The following CCDC148 variants were observed in gnomAD, a reference collection of about 807,000 sequenced individuals.
CCDC148 encodes coiled-coil domain-containing protein 148.
A neutral mutation model predicts 85.7 loss-of-function variants in CCDC148; 89 were observed. The observed-to-expected ratio is 1.04, with a 90% CI of 0.87 to 1.24. The LOEUF is 1.24. Ranked by LOEUF, CCDC148 falls within the 50% of genes most tolerant of loss-of-function variation. The pLI is 0.00. For missense variants in CCDC148, 692 were observed against 671.7 expected (o/e 1.03, Z -0.33); for synonymous variants, 230 against 213.9 (o/e 1.08, Z -0.66).
chr2:158,309,675 T>C (rs746422296), intron 8 of CCDC148, 36 bp from the exon 9 acceptor site: 9 of 1,387,696 alleles, frequency 6.5e-6, no homozygotes, highest in Middle Eastern at 2.4e-4. Flanking sequence ...CTTATCATTA[T>C]GAAAATGAGC....
intron 1 of CCDC148, among the ~76,000 whole-genome samples, chr2:158,387,398 T>G (rs187095961): frequency 1.3e-5 from 2 of 152,308 alleles, no homozygotes; most frequent in East Asian, 3.9e-4. Flanking sequence ...TATTTGTAAC[T>G]TCTTTCTCCA....
In CCDC148 at chr2:158,214,629, C is replaced by G. The variant is rs781726400; in HGVS notation, c.1370+5966G>C. 7.2e-5 allele frequency among the ~76,000 whole-genome samples: 11 copies of G among 152,170 alleles called. No individual in the cohort carries two copies. In the East Asian group the frequency reaches 1.9e-3, roughly 27 times the overall value. The stretch of plus-strand genomic sequence containing the variant: ...ATGACATGAGTCATCAACTCTAACT[C>G]ATGTAAATACTGCACACACATCTGT... On this transcript the variant is annotated intron_variant, in intron 11 of 13. Transcript: ENST00000283233.
intron 1 of CCDC148, among the ~76,000 whole-genome samples, chr2:158,415,066 C>T (rs537599348): frequency 6.6e-6 from 1 of 151,680 alleles, no homozygotes; most frequent in African/African-American, 2.4e-5. Context: ...TAGTTTGGGG[C>T]CATAATTTAA....
chr2:158,301,324 A>T (rs1486909198), intron 9 of CCDC148, among the ~76,000 whole-genome samples: 1 of 152,242 alleles, frequency 6.6e-6, no homozygotes, highest in Admixed American at 6.5e-5. Context: ...AAAGTTGGTA[A>T]ATAGCTATGA....
intron 10 of CCDC148, among the ~76,000 whole-genome samples, chr2:158,240,194 T>C (rs1688288904): frequency 6.6e-6 from 1 of 151,642 alleles, no homozygotes; most frequent in Non-Finnish European, 1.5e-5. Context: ...CAAAGACATG[T>C]TTCCAGGGTC....
intron 10 of CCDC148, among the ~76,000 whole-genome samples, chr2:158,245,179 T>C (rs1272510380): frequency 6.6e-6 from 1 of 152,204 alleles, no homozygotes; most frequent in Non-Finnish European, 1.5e-5. Context: ...ATTCTGTTTA[T>C]GACAGTCTAC....
chr2:158,287,241 G>A (rs796238549), intron 9 of CCDC148, among the ~76,000 whole-genome samples: 12 of 152,142 alleles, frequency 7.9e-5, no homozygotes, highest in African/African-American at 2.7e-4. Flanking sequence ...TTTGGGTGGG[G>A]ACACAGCCAT....
At chr2:158,277,862 G>C (rs559235229) in intron 9 of CCDC148, among the ~76,000 whole-genome samples, 9 of 151,964 alleles carry the variant, frequency 5.9e-5, no homozygotes, top group Non-Finnish European at 1.0e-4. Flanking sequence ...TCCCAAAGGA[G>C]TTATGTTTTT....
At chr2:158,228,610 A>G (rs1482165380) in intron 10 of CCDC148, among the ~76,000 whole-genome samples, 1 of 152,202 alleles carries the variant, frequency 6.6e-6, no homozygotes, top group Non-Finnish European at 1.5e-5. Flanking sequence ...CATATACACC[A>G]TGGAATACTA....
At chr2:158,196,591 C>T (rs1216294093) in intron 11 of CCDC148, among the ~76,000 whole-genome samples, 1 of 152,198 alleles carries the variant, frequency 6.6e-6, no homozygotes, top group Non-Finnish European at 1.5e-5. Context: ...CCCCAATCTG[C>T]TTTCCTTTCG....
intron 1 of CCDC148, among the ~76,000 whole-genome samples, chr2:158,393,734 G>A (rs761013642): frequency 1.3e-5 from 2 of 152,102 alleles, no homozygotes; most frequent in African/African-American, 4.8e-5. Flanking sequence ...GATCACAGAG[G>A]TGGATGGATT....
In CCDC148 at chr2:158,434,881, T is replaced by C. The variant is rs191647845; in HGVS notation, c.25+21534A>G. Among the ~76,000 whole-genome samples, 43 of 152,260 alleles carry C rather than the reference T, an allele frequency of 2.8e-4. No individual in the cohort carries two copies. The East Asian group carries it at 6.4e-3, about 23-fold the overall frequency. ...CAAGTGCAAGAAAGGGTATCAGTGA[T>C]TGAAGATCAAATGAATGAAATGAAG... On this transcript the variant is annotated intron_variant, in intron 1 of 13. Transcript: ENST00000283233.
At position 158,220,740 on chromosome 2, in the gene CCDC148, T is replaced by A. The variant is rs72993362; in HGVS notation, c.1252-27A>T. On this transcript the variant is annotated intron_variant, in intron 10 of 13. Transcript: ENST00000283233. ...TATTGTATAAATGTTACATAAAATT[T>A]AAATTAACAACAGATATGTAAAAAT... is the stretch of plus-strand genomic sequence containing the variant. 8.7e-5 allele frequency: 129 copies of A among 1,488,582 alleles called. No individual in the cohort carries two copies. In the African/African-American group the frequency reaches 1.8e-3, roughly 21 times the overall value. 92.2% of individuals were successfully genotyped at this position (1,488,582 alleles called of 1,614,324 possible). A position where few individuals can be genotyped will look rare whatever the true frequency, so the allele number is the denominator to read the frequency against.
chr2:158,423,398 A>ACAGAACAGAGGCC (rs1686903956), intron 1 of CCDC148, among the ~76,000 whole-genome samples: 1 of 149,920 alleles, frequency 6.7e-6, no homozygotes, highest in Admixed American at 6.7e-5. Flanking sequence ...GACCAATGGA[A>ACAGAACAGAGGCC]TAGAAATAAT....
At chr2:158,409,552 T>G (rs1686171466) in intron 1 of CCDC148, among the ~76,000 whole-genome samples, 1 of 152,196 alleles carries the variant, frequency 6.6e-6, no homozygotes, top group Non-Finnish European at 1.5e-5. Flanking sequence ...ATCCAATGCT[T>G]GTACCCCCAC....
chr2:158,437,976 G>T (rs1238401046), intron 1 of CCDC148, among the ~76,000 whole-genome samples: 1 of 152,056 alleles, frequency 6.6e-6, no homozygotes, highest in Non-Finnish European at 1.5e-5. Flanking sequence ...AATAAAAGAG[G>T]ATACAAACAA....
At chr2:158,450,619 C>A (rs952150526) in intron 1 of CCDC148, among the ~76,000 whole-genome samples, 2 of 152,194 alleles carry the variant, frequency 1.3e-5, no homozygotes, top group Admixed American at 6.5e-5. Flanking sequence ...ATTTTGAATA[C>A]GTCCTTTTAC....
intron 10 of CCDC148, among the ~76,000 whole-genome samples, chr2:158,245,284 A>C (rs1688524539): frequency 6.6e-6 from 1 of 152,136 alleles, no homozygotes; most frequent in African/African-American, 2.4e-5. Context: ...GTGGGGGAAC[A>C]CCCAAGTGCC....
In CCDC148 at chr2:158,456,652, T is replaced by G. The variant is rs1001102036; in HGVS notation, c.-213A>C. The G allele has an allele frequency of 2.9e-5, 18 of 622,628 alleles. No homozygotes were observed. Among genetic ancestry groups the G allele is most frequent in the Non-Finnish European group, 4.4e-5 (16 of 361,206 alleles). 38.6% of individuals were successfully genotyped at this position (622,628 alleles called of 1,614,324 possible). A position where few individuals can be genotyped will look rare whatever the true frequency, so the allele number is the denominator to read the frequency against. On this transcript the variant is annotated 5_prime_UTR_variant, in exon 1 of 14. Transcript: ENST00000283233. Reference sequence around the variant, plus strand: ...CAGAGCCAGCGCTGGGGAATCTCCCTGTCCTCTCCGCCACCCCCTCCCGCG... The same window carrying G: ...CAGAGCCAGCGCTGGGGAATCTCCCGGTCCTCTCCGCCACCCCCTCCCGCG...
Sources: allele counts gnomAD v4.1 joint callset (sites outside exome capture counted in the v4.1 genomes callset), GRCh38; gene constraint gnomAD v4.1.1; transcripts MANE v1.5; gene names NCBI Gene and HGNC (gene_info 2026-07-23, HGNC 2026-07-21).